Variants in LAPTM4A observed in about 807,000 individuals in gnomAD.
LAPTM4A encodes lysosomal protein transmembrane 4 alpha.
A neutral mutation model predicts 29.9 loss-of-function variants in LAPTM4A; 19 were observed. The ratio of observed to expected loss-of-function variants is 0.64; its 90% CI spans 0.44 to 0.93. The LOEUF (loss-of-function observed/expected upper bound fraction) is 0.93, where lower values mean the gene tolerates loss of function less well. Among genes scored for constraint, LAPTM4A ranks in the 40% least tolerant of loss-of-function variants. The probability of loss-of-function intolerance (pLI) is 0.00; values close to 1 mark genes in which losing one functional copy is unlikely to be tolerated. For synonymous variants in LAPTM4A, 105 were observed against 102.1 expected (o/e 1.03, Z -0.17); for missense variants, 293 against 288.5 (o/e 1.02, Z -0.11).
At chr2:20,033,361 C>T in intron 6 of LAPTM4A, 82 bp from the exon 7 acceptor site, 1 of 1,083,364 alleles carries the variant, frequency 9.2e-7, no homozygotes, top group Non-Finnish European at 1.4e-6. Flanking sequence ...AGACTTTATG[C>T]CCTAAATAGG....
chr2:20,042,997 T>C (rs1490137762), intron 1 of LAPTM4A, among the ~76,000 whole-genome samples: 1 of 152,170 alleles, frequency 6.6e-6, no homozygotes, highest in African/African-American at 2.4e-5. Flanking sequence ...TGGAGTGCAG[T>C]AGCGCAATCT....
intron 1 of LAPTM4A, 93 bp downstream of exon 1, chr2:20,051,317 C>A: frequency 1.3e-6 from 1 of 769,540 alleles, no homozygotes; most frequent in Non-Finnish European, 2.3e-6. Context: ...AGTCCCCGCC[C>A]CACCCAACAC....
intron 1 of LAPTM4A, among the ~76,000 whole-genome samples, chr2:20,049,655 T>C (rs1011708889): frequency 2.6e-4 from 39 of 152,128 alleles, no homozygotes; most frequent in Admixed American, 1.2e-3. Flanking sequence ...TACATTCGGA[T>C]GGTTGAAATA....
intron 1 of LAPTM4A, 23 bp downstream of exon 1, chr2:20,051,387 C>G: frequency 4.3e-6 from 6 of 1,395,356 alleles, no homozygotes; most frequent in Non-Finnish European, 5.9e-6. Flanking sequence ...CCCGGACATA[C>G]GCGCCACGCC....
intron 2 of LAPTM4A, among the ~76,000 whole-genome samples, chr2:20,038,633 C>G (rs1383671249): frequency 6.6e-6 from 1 of 152,040 alleles, no homozygotes; most frequent in African/African-American, 2.4e-5. Flanking sequence ...ACCATGTTGG[C>G]CAGGCTGGTC....
chr2:20,039,396 T>A (rs542766603), intron 2 of LAPTM4A, among the ~76,000 whole-genome samples: 1 of 152,224 alleles, frequency 6.6e-6, no homozygotes, highest in Non-Finnish European at 1.5e-5. Flanking sequence ...AAACAAAATA[T>A]GAAATTAAAC....
At chr2:20,033,953 T>G (rs1461086050) in intron 6 of LAPTM4A, among the ~76,000 whole-genome samples, 1 of 152,118 alleles carries the variant, frequency 6.6e-6, no homozygotes, top group African/African-American at 2.4e-5. Flanking sequence ...CCCCGTTGGA[T>G]CATATGGATG....
At chr2:20,042,480 C>T (rs370227885) in intron 1 of LAPTM4A, among the ~76,000 whole-genome samples, 1 of 152,232 alleles carries the variant, frequency 6.6e-6, no homozygotes, top group Admixed American at 6.5e-5. Flanking sequence ...TACAGATTTA[C>T]TGTCTCAACT....
intron 5 of LAPTM4A, 52 bp downstream of exon 5, chr2:20,034,915 A>T: frequency 7.6e-7 from 1 of 1,320,062 alleles, no homozygotes; most frequent in Non-Finnish European, 1.1e-6. Context: ...AAAAAGGTTT[A>T]GATTCACAGT....
In LAPTM4A at chr2:20,032,694, G is replaced by A. The variant is rs979101342; in HGVS notation, c.*511C>T. The A allele has an allele frequency of 2.0e-5, 3 of 153,298 alleles. No homozygotes were observed. In the East Asian group the frequency reaches 5.8e-4, roughly 29 times the overall value. The allele number at this position is 153,298 out of a possible 1,614,324, so 9.5% of individuals were successfully genotyped here. A position where few individuals can be genotyped will look rare whatever the true frequency, so the allele number is the denominator to read the frequency against. The stretch of plus-strand genomic sequence containing the variant: ...ATTAAATCATCTTATCACAAAGATG[G>A]AAACATATACAAACTAGAAACATGC... On this transcript the variant is annotated 3_prime_UTR_variant, in exon 7 of 7. Transcript: ENST00000175091.
chr2:20,051,589 C>A lies in LAPTM4A; in HGVS notation c.-69G>T. On this transcript the variant is annotated 5_prime_UTR_variant, in exon 1 of 7. Coordinates refer to ENST00000175091, the MANE Select transcript of LAPTM4A (RefSeq NM_014713.5). The stretch of plus-strand genomic sequence containing the variant: ...TTCTCCACCCGCAGCCAAACTCAAA[C>A]GGCTGTTTCACGGCCTCCAAAACCC... 9.6e-7 allele frequency: 1 copy of A among 1,036,864 alleles called. No homozygotes were observed. The allele number at this position is 1,036,864 out of a possible 1,614,324, so 64.2% of individuals were successfully genotyped here.
At chr2:20,051,309 T>A in intron 1 of LAPTM4A, 101 bp downstream of exon 1, 1 of 751,264 alleles carries the variant, frequency 1.3e-6, no homozygotes, top group Non-Finnish European at 2.3e-6. Context: ...CCCCTCCAAG[T>A]CCCCGCCCCA....
intron 2 of LAPTM4A, among the ~76,000 whole-genome samples, chr2:20,040,628 A>C (rs148616456): frequency 2.0e-5 from 3 of 152,078 alleles, no homozygotes; most frequent in Admixed American, 1.3e-4. Context: ...TTAGATACAC[A>C]CCTATTTGCC....
intron 2 of LAPTM4A, among the ~76,000 whole-genome samples, chr2:20,040,478 C>A (rs1001238376): frequency 6.6e-6 from 1 of 152,200 alleles, no homozygotes; most frequent in African/African-American, 2.4e-5. Context: ...ATAATCTAAT[C>A]AATCCCCTAA....
At chr2:20,045,385 G>C (rs1428167420) in intron 1 of LAPTM4A, among the ~76,000 whole-genome samples, 1 of 151,442 alleles carries the variant, frequency 6.6e-6, no homozygotes, top group African/African-American at 2.4e-5. Flanking sequence ...AGGATTGTTT[G>C]AGCCCAGTTC....
rs191364003 is a variant in LAPTM4A, at chr2:20,039,147, C to A, written c.233-1533G>T. Among the ~76,000 whole-genome samples, 12 of 152,284 alleles carry A rather than the reference C, an allele frequency of 7.9e-5. No individual in the cohort carries two copies. In the East Asian group the frequency reaches 1.9e-3, roughly 25 times the overall value. ...AGCCAGGCTAGTCTCAAACTCCTGACCTCAAGTGATTCACCTGCCTCGGCC... is the reference window on the plus strand; with the variant it reads ...AGCCAGGCTAGTCTCAAACTCCTGAACTCAAGTGATTCACCTGCCTCGGCC... On this transcript the variant is annotated intron_variant, in intron 2 of 6. Transcript: ENST00000175091.
chr2:20,049,717 TGGAGG>T (rs1674010408), intron 1 of LAPTM4A, among the ~76,000 whole-genome samples: 1 of 151,968 alleles, frequency 6.6e-6, no homozygotes, highest in African/African-American at 2.4e-5. Flanking sequence ...GTTCTGTGAG[TGGAGG>T]GAAGGATCTG....
rs540158084 is a variant in LAPTM4A, at chr2:20,042,323, G to T, written c.112-1312C>A. ...TGAGAGTAACTCCCTAAAACACCAA[G>T]TTCTTTTTCACACTTGATTGTGCTA... On this transcript the variant is annotated intron_variant, in intron 1 of 6. Coordinates refer to ENST00000175091, the MANE Select transcript of LAPTM4A (RefSeq NM_014713.5). Among the ~76,000 whole-genome samples the T allele has an allele frequency of 2.6e-5, 4 of 152,282 alleles. No individual in the cohort carries two copies. In the South Asian group the frequency reaches 8.3e-4, roughly 32 times the overall value.
chr2:20,046,718 ATATAT>A (rs1228510332), intron 1 of LAPTM4A, among the ~76,000 whole-genome samples: 1 of 141,900 alleles, frequency 7.0e-6, no homozygotes, highest in Non-Finnish European at 1.5e-5. Flanking sequence ...ATATATATTT[ATATAT>A]TATATATCTA....
Sources: gnomAD v4.1 joint callset for allele counts (sites outside exome capture counted in the v4.1 genomes callset) on GRCh38, gnomAD v4.1.1 for gene constraint, MANE v1.5 for transcripts, NCBI Gene and HGNC (gene_info 2026-07-23, HGNC 2026-07-21) for gene names.